Variants in GRIN2A observed in about 807,000 individuals in gnomAD.
The protein encoded by GRIN2A is glutamate ionotropic receptor NMDA type subunit 2A.
A neutral mutation model predicts 113.4 loss-of-function variants in GRIN2A; 22 were observed. The ratio of observed to expected loss-of-function variants is 0.19; its 90% CI spans 0.14 to 0.28. The LOEUF (loss-of-function observed/expected upper bound fraction) is 0.28, where lower values mean the gene tolerates loss of function less well. Ranked by LOEUF, GRIN2A falls within the 10% of genes least tolerant of loss-of-function variation. The probability of loss-of-function intolerance (pLI) is 1.00; values close to 1 mark genes in which losing one functional copy is unlikely to be tolerated. For missense variants in GRIN2A, 1,502 were observed against 1,887.0 expected (o/e 0.80, Z 3.78); for synonymous variants, 827 against 738.4 (o/e 1.12, Z -1.94).
chr16:10,029,803 C>G (rs1031783444), intron 2 of GRIN2A, among the ~76,000 whole-genome samples: 23 of 151,638 alleles, frequency 1.5e-4, no homozygotes, highest in Non-Finnish European at 1.8e-4. Flanking sequence ...TCGAGACCAG[C>G]CTGGCCAACA....
At chr16:10,078,859 T>C (rs1354911975) in intron 2 of GRIN2A, among the ~76,000 whole-genome samples, 1 of 151,336 alleles carries the variant, frequency 6.6e-6, no homozygotes, top group Non-Finnish European at 1.5e-5. Flanking sequence ...GCTGACTGAC[T>C]GGCTGACTGA....
At chr16:9,941,499 T>G (rs781042092) in intron 2 of GRIN2A, among the ~76,000 whole-genome samples, 1 of 152,206 alleles carries the variant, frequency 6.6e-6, no homozygotes, top group African/African-American at 2.4e-5. Context: ...CAAAAACCCT[T>G]GCTTTGTGCT....
chr16:10,104,329 G>A (rs181606270), intron 2 of GRIN2A, among the ~76,000 whole-genome samples: 1 of 152,300 alleles, frequency 6.6e-6, no homozygotes, highest in Admixed American at 6.5e-5. Context: ...TAGTCACAGG[G>A]CGAGGGGTGT....
In GRIN2A at chr16:9,872,247, A is replaced by G. The variant is rs1233320614; in HGVS notation, c.1122+18739T>C. Among the ~76,000 whole-genome samples, 13 of 152,284 alleles carry G rather than the reference A, an allele frequency of 8.5e-5. No individual in the cohort carries two copies. In the East Asian group the frequency reaches 1.9e-3, roughly 23 times the overall value. On this transcript the variant is annotated intron_variant, in intron 4 of 12. Transcript: ENST00000330684. ...ACAAATGTTACCCCTGGCCAAACTCAACAGCGTAAATGTTGATCAAACTCG... is the reference window on the plus strand; with the variant it reads ...ACAAATGTTACCCCTGGCCAAACTCGACAGCGTAAATGTTGATCAAACTCG...
At chr16:9,992,825 G>A (rs907414432) in intron 2 of GRIN2A, among the ~76,000 whole-genome samples, 1 of 152,098 alleles carries the variant, frequency 6.6e-6, no homozygotes, top group Non-Finnish European at 1.5e-5. Flanking sequence ...AGCACAATGT[G>A]CATACTACCT....
At chr16:10,080,555 C>T (rs981133344) in intron 2 of GRIN2A, among the ~76,000 whole-genome samples, 1 of 152,158 alleles carries the variant, frequency 6.6e-6, no homozygotes, top group Non-Finnish European at 1.5e-5. Flanking sequence ...GGAAGCCGAG[C>T]AACACGCCTG....
At chr16:10,145,814 C>T (rs2049427733) in intron 2 of GRIN2A, among the ~76,000 whole-genome samples, 1 of 152,150 alleles carries the variant, frequency 6.6e-6, no homozygotes, top group South Asian at 2.1e-4. Flanking sequence ...CAGATGGGTG[C>T]AATTCTGTTC....
At chr16:10,147,455 CAAAAAAAAAA>C (rs367830700) in intron 2 of GRIN2A, among the ~76,000 whole-genome samples, 14 of 72,920 alleles carry the variant, frequency 1.9e-4, no homozygotes, top group African/African-American at 7.6e-4. Flanking sequence ...ACTAAAAATA[CAAAAAAAAAA>C]AAAAAAAAAA....
At chr16:10,092,662 C>T (rs544820602) in intron 2 of GRIN2A, among the ~76,000 whole-genome samples, 3 of 152,044 alleles carry the variant, frequency 2.0e-5, no homozygotes, top group African/African-American at 7.2e-5. Context: ...TCTATTTTAT[C>T]CCTTTTAACA....
chr16:9,825,894 A>C (rs1011267430), intron 9 of GRIN2A, among the ~76,000 whole-genome samples: 4 of 151,944 alleles, frequency 2.6e-5, no homozygotes, highest in African/African-American at 9.7e-5. Flanking sequence ...CAAAAGACCA[A>C]CTCAGTGCAA....
intron 4 of GRIN2A, among the ~76,000 whole-genome samples, chr16:9,882,918 G>A (rs2043512665): frequency 6.6e-6 from 1 of 152,206 alleles, no homozygotes; most frequent in African/African-American, 2.4e-5. Context: ...CTAAGGGTAG[G>A]AGGAGGAACT....
intron 10 of GRIN2A, among the ~76,000 whole-genome samples, chr16:9,808,055 T>A (rs1291180647): frequency 6.6e-6 from 1 of 152,186 alleles, no homozygotes; most frequent in Non-Finnish European, 1.5e-5. Flanking sequence ...AGATTGTACT[T>A]TTCAAGGGTT....
At chr16:9,975,889 C>A (rs577515428) in intron 2 of GRIN2A, among the ~76,000 whole-genome samples, 1 of 152,228 alleles carries the variant, frequency 6.6e-6, no homozygotes, top group East Asian at 1.9e-4. Flanking sequence ...TCAGATAAAA[C>A]AGACTTCAAG....
chr16:9,967,646 C>G (rs1260764137), intron 2 of GRIN2A, among the ~76,000 whole-genome samples: 1 of 152,086 alleles, frequency 6.6e-6, no homozygotes, highest in African/African-American at 2.4e-5. Context: ...GTGGAGGTTT[C>G]AGTGAGCCAA....
At chr16:9,774,129 G>A (rs1901457116) in intron 11 of GRIN2A, among the ~76,000 whole-genome samples, 1 of 152,150 alleles carries the variant, frequency 6.6e-6, no homozygotes, top group East Asian at 1.9e-4. Flanking sequence ...TTAGACAAAA[G>A]GCACAGACAG....
At chr16:9,997,979 T>C (rs982454858) in intron 2 of GRIN2A, among the ~76,000 whole-genome samples, 1 of 152,246 alleles carries the variant, frequency 6.6e-6, no homozygotes, top group Non-Finnish European at 1.5e-5. Flanking sequence ...TATTTCTTCA[T>C]AGCAGTATGA....
chr16:9,836,159 G>T (rs1001377957), intron 7 of GRIN2A, among the ~76,000 whole-genome samples: 2 of 152,202 alleles, frequency 1.3e-5, no homozygotes, highest in Non-Finnish European at 2.9e-5. Flanking sequence ...GAGTTGCGTA[G>T]TGTGTCTTAT....
intron 2 of GRIN2A, among the ~76,000 whole-genome samples, chr16:10,066,459 T>C (rs1007862043): frequency 3.3e-5 from 5 of 152,216 alleles, no homozygotes. Flanking sequence ...TGAAGACAGA[T>C]GTATGCTGCA....
chr16:9,756,341 C>T lies in GRIN2A; in HGVS notation c.*6808G>A. Reference sequence around the variant, plus strand: ...AGGGAGACACAAACAGTGTTCAAGTCTCAGAAGGAACTATGAACAGAGGTG... The same window carrying T: ...AGGGAGACACAAACAGTGTTCAAGTTTCAGAAGGAACTATGAACAGAGGTG... On this transcript the variant is annotated 3_prime_UTR_variant, in exon 13 of 13. Coordinates refer to ENST00000330684, the MANE Select transcript of GRIN2A (RefSeq NM_001134407.3). 1 of 230,218 alleles carries T rather than the reference C, an allele frequency of 4.3e-6. No individual in the cohort carries two copies. Among genetic ancestry groups the T allele is most frequent in the Non-Finnish European group, 8.6e-6 (1 of 116,136 alleles). 14.3% of individuals were successfully genotyped at this position (230,218 alleles called of 1,614,324 possible). A position where few individuals can be genotyped will look rare whatever the true frequency, so the allele number is the denominator to read the frequency against.
Sources: gnomAD v4.1 joint callset for allele counts (sites outside exome capture counted in the v4.1 genomes callset) on GRCh38, gnomAD v4.1.1 for gene constraint, MANE v1.5 for transcripts, NCBI Gene and HGNC (gene_info 2026-07-23, HGNC 2026-07-21) for gene names.